The following IFNGR2 variants were observed in gnomAD, a reference collection of about 807,000 sequenced individuals.
The protein encoded by IFNGR2 is IFN-gamma receptor 2.
A neutral mutation model predicts 41.1 loss-of-function variants in IFNGR2; 15 were observed. The observed-to-expected ratio is 0.37, with a 90% CI of 0.24 to 0.56. The LOEUF (loss-of-function observed/expected upper bound fraction) is 0.56. IFNGR2 is among the 20% of genes least tolerant of loss of function. IFNGR2 has a pLI of 0.81. For synonymous variants in IFNGR2, 161 were observed against 171.6 expected, an observed-to-expected ratio of 0.94 and a Z score of 0.48; for missense variants, 362 against 415.7, an observed-to-expected ratio of 0.87 and a Z score of 1.12.
chr21:33,432,660 G>A (rs928385626), intron 5 of IFNGR2, 54 bp from the exon 6 acceptor site: 12 of 1,590,902 alleles, frequency 7.5e-6, no homozygotes, highest in South Asian at 5.5e-5. Flanking sequence ...ATTAACTGAT[G>A]TTTGTGTTGT....
At chr21:33,415,261 T>C (rs1409360029) in intron 2 of IFNGR2, among the ~76,000 whole-genome samples, 1 of 152,220 alleles carries the variant, frequency 6.6e-6, no homozygotes, top group East Asian at 1.9e-4. Flanking sequence ...GTTCTTGCTT[T>C]GGTGGAAAGT....
chr21:33,425,846 G>A (rs2083831624), intron 3 of IFNGR2, among the ~76,000 whole-genome samples: 1 of 152,214 alleles, frequency 6.6e-6, no homozygotes, highest in Admixed American at 6.5e-5. Flanking sequence ...GAGTGCCCAG[G>A]GGAGAGAATC....
rs763026256 is a variant in IFNGR2 at position 33,432,884 on chromosome 21, ACATCT to A, written c.879+15_879+19del. ...ACAGATAGAAGAGGTACGTGTGCAC[ACATCT>A]CTTTTTTTTTTTTTGAGACAGGGTC... On this transcript the variant is annotated intron_variant, in intron 6 of 6. Coordinates refer to ENST00000290219, the MANE Select transcript of IFNGR2 (RefSeq NM_005534.4). The A allele has an allele frequency of 1.3e-6, 2 of 1,589,510 alleles. No individual in the cohort carries two copies. The highest frequency in any genetic ancestry group is 2.7e-5 in the African/African-American group (2 of 73,178).
At chr21:33,414,066 C>T (rs1455550848) in intron 1 of IFNGR2, among the ~76,000 whole-genome samples, 2 of 152,096 alleles carry the variant, frequency 1.3e-5, no homozygotes, top group Admixed American at 6.6e-5. Flanking sequence ...CTCCTGACCT[C>T]GAGTGATCTG....
At chr21:33,419,298 C>T (rs1021344838) in intron 2 of IFNGR2, among the ~76,000 whole-genome samples, 1 of 151,968 alleles carries the variant, frequency 6.6e-6, no homozygotes, top group Admixed American at 6.6e-5. Flanking sequence ...AGTAGAGATG[C>T]AGTTTCACCA....
At chr21:33,419,811 CTT>C (rs991919534) in intron 2 of IFNGR2, among the ~76,000 whole-genome samples, 2 of 152,138 alleles carry the variant, frequency 1.3e-5, no homozygotes, top group Non-Finnish European at 2.9e-5. Flanking sequence ...GGACATAGCT[CTT>C]GAGTCCCAGG....
chr21:33,426,817 T>A, intron 3 of IFNGR2, 67 bp from the exon 4 acceptor site: 1 of 1,094,434 alleles, frequency 9.1e-7, no homozygotes, highest in Non-Finnish European at 1.4e-6. Flanking sequence ...CATTATATAA[T>A]ACATTGTATT....
At chr21:33,430,712 C>A (rs1230795366) in intron 4 of IFNGR2, among the ~76,000 whole-genome samples, 1 of 152,160 alleles carries the variant, frequency 6.6e-6, no homozygotes, top group Non-Finnish European at 1.5e-5. Flanking sequence ...CTCAGCCTCC[C>A]AAAGTGCTGG....
chr21:33,421,343 A>AT (rs1250353533), intron 2 of IFNGR2, 137 bp from the exon 3 acceptor site: 2 of 665,250 alleles, frequency 3.0e-6, no homozygotes, highest in Admixed American at 5.3e-5. Flanking sequence ...AAAAAAAAAA[A>AT]AAAAAAAGCG....
intron 1 of IFNGR2, chr21:33,411,350 C>A (rs2083714154): frequency 4.6e-6 from 2 of 435,136 alleles, no homozygotes; most frequent in Non-Finnish European, 4.8e-6. Context: ...CCCCTTGGTG[C>A]TTCCTTTCTG....
chr21:33,403,529 C>T lies in IFNGR2; in HGVS notation c.-15C>T. On this transcript the variant is annotated 5_prime_UTR_variant, in exon 1 of 7. Transcript: ENST00000290219. ...CCCCGGCCGCGACCTGAGCCGCCGC[C>T]GAGCGCCCGGGGCCATGCGACCGAC... is the stretch of plus-strand genomic sequence containing the variant. 1 of 1,266,300 alleles carries T rather than the reference C, an allele frequency of 7.9e-7. No individual in the cohort carries two copies. The highest frequency in any genetic ancestry group is 2.2e-5 in the South Asian group (1 of 45,846). The allele number at this position is 1,266,300 out of a possible 1,614,324, so 78.4% of individuals were successfully genotyped here.
chr21:33,403,626 G>A lies in IFNGR2; in HGVS notation c.73+10G>A, dbSNP rs990250212. 1.5e-6 allele frequency: 2 copies of A among 1,325,466 alleles called. No homozygotes were observed. Among genetic ancestry groups the A allele is most frequent in the Non-Finnish European group, 1.9e-6 (2 of 1,040,776 alleles). 82.1% of individuals were successfully genotyped at this position (1,325,466 alleles called of 1,614,324 possible). A position where few individuals can be genotyped will look rare whatever the true frequency, so the allele number is the denominator to read the frequency against. ...GCCGCGGCCCCGCCAGGTGAGCCGG[G>A]CCTGGGCCTCCGCGGCGGGACGCGG... is the stretch of plus-strand genomic sequence containing the variant. On this transcript the variant is annotated intron_variant, in intron 1 of 6. Transcript: ENST00000290219.
chr21:33,419,992 C>T (rs2083780685), intron 2 of IFNGR2, among the ~76,000 whole-genome samples: 1 of 152,122 alleles, frequency 6.6e-6, no homozygotes, highest in Non-Finnish European at 1.5e-5. Context: ...CCAGAGCACG[C>T]CCCTCACCCC....
intron 2 of IFNGR2, among the ~76,000 whole-genome samples, chr21:33,418,795 G>GA (rs929605013): frequency 6.6e-6 from 1 of 151,318 alleles, no homozygotes; most frequent in Non-Finnish European, 1.5e-5. Flanking sequence ...TTTTCACTTA[G>GA]AAAAAAATAA....
chr21:33,403,657 G>A (rs2083657276), intron 1 of IFNGR2, 41 bp downstream of exon 1: 1 of 1,274,582 alleles, frequency 7.8e-7, no homozygotes, highest in Non-Finnish European at 9.9e-7. Context: ...CGCGGGCGCA[G>A]CCGCAGCATG....
intron 3 of IFNGR2, among the ~76,000 whole-genome samples, chr21:33,422,662 A>G (rs529372274): frequency 6.6e-6 from 1 of 152,212 alleles, no homozygotes; most frequent in South Asian, 2.1e-4. Context: ...AGATCACTTG[A>G]GGTCAGGAGT....
intron 4 of IFNGR2, among the ~76,000 whole-genome samples, chr21:33,428,347 G>A (rs931603489): frequency 6.6e-6 from 1 of 151,416 alleles, no homozygotes; most frequent in African/African-American, 2.4e-5. Flanking sequence ...TCAGCCACCC[G>A]AGTAGCTGGA....
intron 1 of IFNGR2, among the ~76,000 whole-genome samples, chr21:33,412,712 T>C (rs369181565): frequency 2.6e-5 from 4 of 152,178 alleles, no homozygotes; most frequent in South Asian, 4.1e-4. Context: ...TGTGCCACCA[T>C]GCCTGGCTAA....
intron 2 of IFNGR2, among the ~76,000 whole-genome samples, chr21:33,418,108 C>T (rs1164969309): frequency 1.3e-5 from 2 of 152,110 alleles, no homozygotes; most frequent in African/African-American, 4.8e-5. Context: ...CTGCAACTTT[C>T]GGCTCATTGC....
Sources: allele counts gnomAD v4.1 joint callset (sites outside exome capture counted in the v4.1 genomes callset), GRCh38; gene constraint gnomAD v4.1.1; transcripts MANE v1.5; gene names NCBI Gene and HGNC (gene_info 2026-07-23, HGNC 2026-07-21).